Variants in QRFPR observed in about 807,000 individuals in gnomAD.
QRFPR encodes the protein pyroglutamylated RF-amide peptide receptor.
In QRFPR, 37 loss-of-function variants were observed where a neutral mutation model predicts 31.3. The observed-to-expected ratio is 1.18, with a 90% CI of 0.91 to 1.56. The LOEUF is 1.56. Among genes scored for constraint, QRFPR ranks in the 40% most tolerant of loss-of-function variants. QRFPR has a pLI of 0.00. For missense variants in QRFPR, 542 were observed against 532.5 expected (o/e 1.02, Z -0.18); for synonymous variants, 197 against 192.0 (o/e 1.03, Z -0.22).
chr4:121,365,673 T>TAA (rs1385977389), intron 1 of QRFPR, among the ~76,000 whole-genome samples: 2 of 49,392 alleles, frequency 4.0e-5, no homozygotes, highest in African/African-American at 7.7e-5. Flanking sequence ...ATTTTATATA[T>TAA]TATATATATA....
At chr4:121,365,186 A>G (rs56225168) in intron 1 of QRFPR, among the ~76,000 whole-genome samples, 2 of 148,892 alleles carry the variant, frequency 1.3e-5, no homozygotes, top group South Asian at 4.2e-4. Context: ...CCTTATACAC[A>G]ACACAAAAAA....
At chr4:121,341,303 G>T (rs1347574702) in intron 1 of QRFPR, among the ~76,000 whole-genome samples, 2 of 152,122 alleles carry the variant, frequency 1.3e-5, no homozygotes, top group Non-Finnish European at 2.9e-5. Flanking sequence ...GGCACCTCTG[G>T]TCTTGAACCC....
At chr4:121,371,104 C>A (rs112224575) in intron 1 of QRFPR, among the ~76,000 whole-genome samples, 6,356 of 152,260 alleles carry the variant, frequency 0.042, 204 homozygotes, top group South Asian at 0.11. Context: ...CAGCATCTAA[C>A]TGTTTCTCTA....
intron 2 of QRFPR, 149 bp downstream of exon 2, chr4:121,340,303 G>C: frequency 1.2e-6 from 1 of 801,268 alleles, no homozygotes; most frequent in Non-Finnish European, 2.0e-6. Flanking sequence ...GGAGATGAAG[G>C]CAAACAGGGA....
In QRFPR at chr4:121,339,126, A is replaced by C. The variant is rs528768773; in HGVS notation, c.499+1326T>G. 2.6e-5 allele frequency among the ~76,000 whole-genome samples: 4 copies of C among 152,340 alleles called. No homozygotes were observed. The East Asian group carries it at 5.8e-4, about 22-fold the overall frequency. On this transcript the variant is annotated intron_variant, in intron 2 of 5. Transcript: ENST00000394427. ...ATGACTTTGGCATTGCAAAGCCTGC[A>C]GGGGTTCTTTCTGCAATTCCACAGC... is the stretch of plus-strand genomic sequence containing the variant.
At chr4:121,369,455 T>C in intron 1 of QRFPR, 2 of 1,007,182 alleles carry the variant, frequency 2.0e-6, no homozygotes, top group Non-Finnish European at 1.5e-6. Flanking sequence ...TGTGAGCACA[T>C]TCAAGTCACG....
intron 1 of QRFPR, among the ~76,000 whole-genome samples, chr4:121,362,691 A>G (rs543024042): frequency 1.3e-5 from 2 of 150,282 alleles, no homozygotes; most frequent in South Asian, 4.2e-4. Flanking sequence ...CTAATCTTTG[A>G]CAAAGGAGCA....
At chr4:121,368,759 A>G (rs1726174314) in intron 1 of QRFPR, among the ~76,000 whole-genome samples, 1 of 133,504 alleles carries the variant, frequency 7.5e-6, no homozygotes, top group Admixed American at 7.2e-5. Flanking sequence ...CAATGCTCAC[A>G]TGGATAGTGG....
At chr4:121,345,573 C>A (rs1287599586) in intron 1 of QRFPR, among the ~76,000 whole-genome samples, 1 of 152,202 alleles carries the variant, frequency 6.6e-6, no homozygotes, top group Non-Finnish European at 1.5e-5. Flanking sequence ...CCCAGTCCTA[C>A]TACTATAGTT....
In QRFPR at chr4:121,361,872, T is replaced by C. The variant is rs1725999822; in HGVS notation, c.340+18436A>G. ...ACAATTTAATAAAAGGAACGGCCTC[T>C]TCCTTCCTTTGCCCACTCCCAACAC... On this transcript the variant is annotated intron_variant, in intron 1 of 5. Transcript: ENST00000394427. 2.0e-5 allele frequency among the ~76,000 whole-genome samples: 3 copies of C among 150,274 alleles called. No individual in the cohort carries two copies. The South Asian group carries it at 6.3e-4, about 32-fold the overall frequency.
At chr4:121,347,745 A>G (rs1033998649) in intron 1 of QRFPR, among the ~76,000 whole-genome samples, 1 of 152,050 alleles carries the variant, frequency 6.6e-6, no homozygotes, top group African/African-American at 2.4e-5. Flanking sequence ...CTCTGTCAAG[A>G]CTGATAGTTT....
chr4:121,353,111 C>T (rs1725795939), intron 1 of QRFPR, among the ~76,000 whole-genome samples: 1 of 152,002 alleles, frequency 6.6e-6, no homozygotes, highest in Non-Finnish European at 1.5e-5. Flanking sequence ...TTTATCAATT[C>T]ATCCATTGGT....
At chr4:121,363,994 G>T (rs541528121) in intron 1 of QRFPR, among the ~76,000 whole-genome samples, 6 of 150,210 alleles carry the variant, frequency 4.0e-5, no homozygotes, top group Middle Eastern at 3.4e-3. Flanking sequence ...CAGCGAGAAA[G>T]TCTAAATGAT....
At chr4:121,345,899 A>C (rs934529700) in intron 1 of QRFPR, among the ~76,000 whole-genome samples, 1 of 152,206 alleles carries the variant, frequency 6.6e-6, no homozygotes, top group Non-Finnish European at 1.5e-5. Flanking sequence ...GTTCGTATTC[A>C]CTTTAGTGTG....
intron 1 of QRFPR, among the ~76,000 whole-genome samples, chr4:121,378,984 C>T (rs937451426): frequency 1.3e-5 from 2 of 152,146 alleles, no homozygotes; most frequent in African/African-American, 4.8e-5. Context: ...AAACCAAGTT[C>T]CGTATGATGA....
At chr4:121,333,164 TC>T in intron 3 of QRFPR, 108 bp from the exon 4 acceptor site, 1 of 685,120 alleles carries the variant, frequency 1.5e-6, no homozygotes, top group Non-Finnish European at 2.5e-6. Context: ...TTCAAATTTG[TC>T]CCCAGCACGT....
intron 3 of QRFPR, among the ~76,000 whole-genome samples, chr4:121,336,565 T>A (rs1481112323): frequency 6.6e-6 from 1 of 152,186 alleles, no homozygotes; most frequent in Non-Finnish European, 1.5e-5. Flanking sequence ...GAAACTGACC[T>A]GTGTATTTTT....
chr4:121,348,820 G>A (rs955073077), intron 1 of QRFPR, among the ~76,000 whole-genome samples: 5 of 151,994 alleles, frequency 3.3e-5, no homozygotes, highest in African/African-American at 4.8e-5. Flanking sequence ...GGTTACGGCC[G>A]GGTGCGATGG....
rs140023114 is a variant in QRFPR at position 121,345,409 on chromosome 4, C to T, written c.341-4799G>A. On this transcript the variant is annotated intron_variant, in intron 1 of 5. Coordinates refer to ENST00000394427, the MANE Select transcript of QRFPR (RefSeq NM_198179.3). ...CAATACATTCTCTTCTCTTAAGTTACTTAGCTGTCAACTGTTGCTTGCAAC... is the reference window on the plus strand; with the variant it reads ...CAATACATTCTCTTCTCTTAAGTTATTTAGCTGTCAACTGTTGCTTGCAAC... Among the ~76,000 whole-genome samples, 4 of 152,354 alleles carry T rather than the reference C, an allele frequency of 2.6e-5. No individual in the cohort carries two copies. In the East Asian group the frequency reaches 7.7e-4, roughly 29 times the overall value.
Sources: gnomAD v4.1 joint callset for allele counts (sites outside exome capture counted in the v4.1 genomes callset) on GRCh38, gnomAD v4.1.1 for gene constraint, MANE v1.5 for transcripts, NCBI Gene and HGNC (gene_info 2026-07-23, HGNC 2026-07-21) for gene names.